Variants in SUCLG2 observed in about 807,000 individuals in gnomAD.
SUCLG2 encodes the protein succinate-CoA ligase GDP-forming subunit beta.
SUCLG2 carries 42 observed loss-of-function variants against 47.9 expected under a neutral mutation model. That is an observed-to-expected ratio of 0.88 (90% confidence interval 0.69 to 1.14). The LOEUF (loss-of-function observed/expected upper bound fraction) is 1.14. Ranked by LOEUF, SUCLG2 falls within the 50% of genes most tolerant of loss-of-function variation. The probability of loss-of-function intolerance (pLI) is 0.00; values close to 1 mark genes in which losing one functional copy is unlikely to be tolerated. For synonymous variants in SUCLG2, 195 were observed against 197.3 expected, an observed-to-expected ratio of 0.99 and a Z score of 0.10; for missense variants, 571 against 525.9, an observed-to-expected ratio of 1.09 and a Z score of -0.84.
intron 9 of SUCLG2, among the ~76,000 whole-genome samples, chr3:67,429,864 T>C (rs1256148880): frequency 6.6e-6 from 1 of 152,160 alleles, no homozygotes. Flanking sequence ...GGCCATTATA[T>C]AATGGTAAAG....
chr3:67,602,737 G>C (rs906199900), intron 2 of SUCLG2, among the ~76,000 whole-genome samples: 2 of 152,156 alleles, frequency 1.3e-5, no homozygotes, highest in African/African-American at 4.8e-5. Context: ...GCGAGCATGA[G>C]CAAGTGAACA....
At chr3:67,600,347 GA>G (rs1200984003) in intron 2 of SUCLG2, among the ~76,000 whole-genome samples, 1 of 152,082 alleles carries the variant, frequency 6.6e-6, no homozygotes, top group Non-Finnish European at 1.5e-5. Flanking sequence ...AAAAAAAGAA[GA>G]AAAAAAGAAA....
intron 9 of SUCLG2, among the ~76,000 whole-genome samples, chr3:67,486,901 A>G (rs1391063783): frequency 1.3e-5 from 2 of 152,240 alleles, no homozygotes; most frequent in Non-Finnish European, 2.9e-5. Context: ...CACTCTGCAC[A>G]TTGCCTTGAA....
intron 9 of SUCLG2, among the ~76,000 whole-genome samples, chr3:67,416,031 T>G (rs551356663): frequency 6.6e-6 from 1 of 152,352 alleles, no homozygotes; most frequent in African/African-American, 2.4e-5. Context: ...TCAGGCCTCC[T>G]ACCAACTGCC....
chr3:67,429,910 A>T (rs1221073913), intron 9 of SUCLG2, among the ~76,000 whole-genome samples: 1 of 152,174 alleles, frequency 6.6e-6, no homozygotes, highest in Non-Finnish European at 1.5e-5. Context: ...GTATCCTAAA[A>T]ATAGATGCAC....
At chr3:67,619,143 T>C (rs2107330204) in intron 1 of SUCLG2, among the ~76,000 whole-genome samples, 1 of 152,372 alleles carries the variant, frequency 6.6e-6, no homozygotes, top group South Asian at 2.1e-4. Context: ...TTAGAATTCA[T>C]TCTTCTTGGG....
At chr3:67,361,944 C>A (rs1367932613) in intron 10 of SUCLG2, among the ~76,000 whole-genome samples, 1 of 152,176 alleles carries the variant, frequency 6.6e-6, no homozygotes, top group Non-Finnish European at 1.5e-5. Context: ...CAGAGCCAAG[C>A]TGCCCAGGTG....
At chr3:67,590,566 C>T (rs770363407) in intron 2 of SUCLG2, among the ~76,000 whole-genome samples, 20 of 152,126 alleles carry the variant, frequency 1.3e-4, no homozygotes, top group Non-Finnish European at 2.5e-4. Context: ...ACCTCCCACT[C>T]GTGCTCCCTC....
chr3:67,395,235 A>G (rs1357699887), intron 10 of SUCLG2, among the ~76,000 whole-genome samples: 1 of 152,154 alleles, frequency 6.6e-6, no homozygotes, highest in Non-Finnish European at 1.5e-5. Context: ...GGCAAATTGG[A>G]TAAAGAGTCA....
chr3:67,586,232 C>A (rs1038155411), intron 2 of SUCLG2, among the ~76,000 whole-genome samples: 11 of 152,156 alleles, frequency 7.2e-5, no homozygotes, highest in African/African-American at 2.7e-4. Context: ...TCAAGTGAGG[C>A]TCCTTCTTTA....
chr3:67,388,486 C>A (rs763345200), intron 10 of SUCLG2, among the ~76,000 whole-genome samples: 1 of 152,198 alleles, frequency 6.6e-6, no homozygotes, highest in African/African-American at 2.4e-5. Flanking sequence ...GTGAATGGAG[C>A]AGACCCATAG....
chr3:67,583,089 C>T (rs956418755), intron 2 of SUCLG2, among the ~76,000 whole-genome samples: 1 of 152,142 alleles, frequency 6.6e-6, no homozygotes, highest in Non-Finnish European at 1.5e-5. Flanking sequence ...TGACATACCT[C>T]CCTCTCCTCT....
At chr3:67,427,244 A>G (rs570479678) in intron 9 of SUCLG2, among the ~76,000 whole-genome samples, 2 of 152,306 alleles carry the variant, frequency 1.3e-5, no homozygotes, top group African/African-American at 4.8e-5. Context: ...AACTGAATTT[A>G]TTGTTGTAAG....
intron 9 of SUCLG2, among the ~76,000 whole-genome samples, chr3:67,493,475 G>A (rs1412413980): frequency 6.6e-6 from 1 of 151,992 alleles, no homozygotes; most frequent in Non-Finnish European, 1.5e-5. Context: ...GAAGAGAGTG[G>A]TTTTTTTAAA....
At chr3:67,397,691 A>T (rs1270514242) in intron 10 of SUCLG2, among the ~76,000 whole-genome samples, 1 of 152,218 alleles carries the variant, frequency 6.6e-6, no homozygotes, top group African/African-American at 2.4e-5. Context: ...TATGGAACCA[A>T]AAAAGAGCCA....
intron 2 of SUCLG2, among the ~76,000 whole-genome samples, chr3:67,537,588 A>G (rs1348467347): frequency 6.6e-6 from 1 of 152,196 alleles, no homozygotes; most frequent in Non-Finnish European, 1.5e-5. Flanking sequence ...TACGCCCAGT[A>G]ATGGGATTGC....
intron 4 of SUCLG2, 139 bp from the exon 5 acceptor site, chr3:67,520,773 G>C: frequency 3.2e-6 from 3 of 936,652 alleles, no homozygotes; most frequent in East Asian, 2.6e-5. Flanking sequence ...GCAGAGCTTT[G>C]AGAGTTCTGC....
intron 9 of SUCLG2, among the ~76,000 whole-genome samples, chr3:67,449,121 G>A (rs1482019688): frequency 6.6e-6 from 1 of 152,186 alleles, no homozygotes; most frequent in Non-Finnish European, 1.5e-5. Context: ...AGGTGACTGT[G>A]ACAGACAGAT....
rs147506838 is a variant in SUCLG2, at chr3:67,361,813, T to C, written c.1184-1045A>G. On this transcript the variant is annotated intron_variant, in intron 10 of 10. Coordinates refer to the SUCLG2 transcript ENST00000493112. ...CTTGCTTTGGCTAATAGAATTTTAG[T>C]GGTTGTGATACTAACAGATGTCTAG... Among the ~76,000 whole-genome samples, 1,118 of 152,322 alleles carry C rather than the reference T, an allele frequency of 7.3e-3. 4 individuals carry two copies. Among genetic ancestry groups the C allele is most frequent in the Admixed American group, 0.012 (182 of 15,300 alleles).
Sources: allele counts gnomAD v4.1 joint callset (sites outside exome capture counted in the v4.1 genomes callset), GRCh38; gene constraint gnomAD v4.1.1; transcripts MANE v1.5; gene names NCBI Gene and HGNC (gene_info 2026-07-23, HGNC 2026-07-21).